COLGALT2: variants seen among roughly 807,000 people sequenced by gnomAD.
COLGALT2 encodes procollagen galactosyltransferase 2.
In COLGALT2, 49 loss-of-function variants were observed where a neutral mutation model predicts 73.4. The observed-to-expected ratio is 0.67, with a 90% CI of 0.53 to 0.85. The LOEUF is 0.85. Ranked by LOEUF, COLGALT2 falls within the 40% of genes least tolerant of loss-of-function variation. The pLI is 0.00. For synonymous variants in COLGALT2, 295 were observed against 307.6 expected (o/e 0.96, Z 0.43); for missense variants, 722 against 790.2 (o/e 0.91, Z 1.03).
intron 3 of COLGALT2, 112 bp downstream of exon 3, chr1:183,974,985 A>G: frequency 1.4e-6 from 1 of 714,272 alleles, no homozygotes; most frequent in East Asian, 2.6e-5. Context: ...TGGGGGAGGC[A>G]CTGCCTAATC....
chr1:183,930,569 C>CTTTTTTTTTTTTTTTT (rs397861890), intron 11 of COLGALT2, among the ~76,000 whole-genome samples: 13 of 114,064 alleles, frequency 1.1e-4, no homozygotes, highest in East Asian at 5.6e-4. Flanking sequence ...TTTTCTTTTT[C>CTTTTTTTTTTTTTTTT]TTTTTTTTTT....
intron 8 of COLGALT2, chr1:183,945,855 A>G (rs771221916): frequency 6.2e-5 from 23 of 373,696 alleles, no homozygotes; most frequent in Non-Finnish European, 9.2e-5. Flanking sequence ...TATGGAAATT[A>G]GTTAAAGTAC....
downstream of COLGALT2, among the ~76,000 whole-genome samples, chr1:183,931,190 AGGCACTGAAT>A (rs1440715798): frequency 6.6e-6 from 1 of 152,192 alleles, no homozygotes; most frequent in Non-Finnish European, 1.5e-5. Context: ...ACACTGGGCC[AGGCACTGAAT>A]GGAGGAGGCT....
In COLGALT2 at chr1:183,937,388, A is replaced by G. The variant is rs1031205953; in HGVS notation, c.*1373T>C. The stretch of plus-strand genomic sequence containing the variant: ...ATGACAGATTGTGGAGTGGGAAGAA[A>G]TCGTGTAGTCCAACTCTGCATTTTA... On this transcript the variant is annotated 3_prime_UTR_variant, in exon 12 of 12. Transcript: ENST00000361927. 1.0e-6 allele frequency: 1 copy of G among 996,508 alleles called. No individual in the cohort carries two copies. 61.7% of individuals were successfully genotyped at this position (996,508 alleles called of 1,614,324 possible). A position where few individuals can be genotyped will look rare whatever the true frequency, so the allele number is the denominator to read the frequency against.
Position 183,945,688 on chromosome 1 carries a change from C to T in COLGALT2, c.1137-124G>A, listed in dbSNP as rs150789909. On this transcript the variant is annotated intron_variant, in intron 8 of 11. Transcript: ENST00000361927. ...ACACAGACAAAGACAGAGAGGCTTCCCTTTATTCCTTAGAAGTTCCTCCAG... is the reference window on the plus strand; with the variant it reads ...ACACAGACAAAGACAGAGAGGCTTCTCTTTATTCCTTAGAAGTTCCTCCAG... 2.2e-4 allele frequency: 247 copies of T among 1,129,264 alleles called. No homozygotes were observed. In the East Asian group the frequency reaches 5.4e-3, roughly 25 times the overall value. The allele number at this position is 1,129,264 out of a possible 1,614,324, so 70.0% of individuals were successfully genotyped here.
chr1:184,009,819 C>A (rs1303906944), intron 1 of COLGALT2, among the ~76,000 whole-genome samples: 1 of 152,152 alleles, frequency 6.6e-6, no homozygotes, highest in Non-Finnish European at 1.5e-5. Context: ...TCTCTTCCTG[C>A]CTCTTGGTCA....
rs372086536 is a variant in COLGALT2, at chr1:183,960,355, T to C, written c.952+3546A>G. Among the ~76,000 whole-genome samples, 7 of 152,350 alleles carry C rather than the reference T, an allele frequency of 4.6e-5. No homozygotes were observed. In the East Asian group the frequency reaches 5.8e-4, roughly 13 times the overall value. On this transcript the variant is annotated intron_variant, in intron 6 of 11. Coordinates refer to ENST00000361927, the MANE Select transcript of COLGALT2 (RefSeq NM_015101.4). ...CATACCACTCTTCTTGTTTAAATTTTACACTTGTACCCAAGCTTAGCCTAA... is the reference window on the plus strand; with the variant it reads ...CATACCACTCTTCTTGTTTAAATTTCACACTTGTACCCAAGCTTAGCCTAA...
At chr1:183,979,391 A>G (rs1671289732) in intron 1 of COLGALT2, among the ~76,000 whole-genome samples, 2 of 151,920 alleles carry the variant, frequency 1.3e-5, no homozygotes, top group Admixed American at 1.3e-4. Flanking sequence ...GAGTATTAAG[A>G]TGACAAAGAA....
At chr1:183,939,952 A>G (rs1024153108) in intron 11 of COLGALT2, among the ~76,000 whole-genome samples, 1 of 152,202 alleles carries the variant, frequency 6.6e-6, no homozygotes, top group Non-Finnish European at 1.5e-5. Flanking sequence ...GGGGAGATTG[A>G]CAGGTAAATC....
At chr1:183,942,388 C>T (rs2102788988) in intron 10 of COLGALT2, among the ~76,000 whole-genome samples, 1 of 151,232 alleles carries the variant, frequency 6.6e-6, no homozygotes, top group South Asian at 2.1e-4. Flanking sequence ...ATATTAATTA[C>T]ATACCAAAAT....
At chr1:183,962,843 G>C (rs1482810113) in intron 6 of COLGALT2, among the ~76,000 whole-genome samples, 3 of 152,172 alleles carry the variant, frequency 2.0e-5, no homozygotes, top group Non-Finnish European at 4.4e-5. Context: ...ACATTTCTGT[G>C]CTAAAATCTT....
At position 184,009,286 on chromosome 1, in the gene COLGALT2, T is replaced by C. The variant is rs2378791; in HGVS notation, c.263+27809A>G. ...ATTAAGAACAACAAAATTTTCCTTC[T>C]GTTTCAACATCCTGAAATTGCATTT... On this transcript the variant is annotated intron_variant, in intron 1 of 11. Transcript: ENST00000361927. Among the ~76,000 whole-genome samples the C allele has an allele frequency of 5.5e-3, 843 of 152,354 alleles. 8 individuals carry two copies. Among genetic ancestry groups the C allele is most frequent in the African/African-American group, 0.018 (767 of 41,586 alleles).
intron 5 of COLGALT2, among the ~76,000 whole-genome samples, chr1:183,965,359 C>T (rs1670838663): frequency 1.3e-5 from 2 of 152,162 alleles, no homozygotes; most frequent in Admixed American, 1.3e-4. Flanking sequence ...CCAAATTATC[C>T]ATCAAGTGTG....
chr1:183,973,990 A>G (rs1184772434), intron 3 of COLGALT2, among the ~76,000 whole-genome samples: 2 of 152,190 alleles, frequency 1.3e-5, no homozygotes, highest in Admixed American at 6.5e-5. Context: ...TGGTGCTGCC[A>G]TACTGGGCAT....
intron 1 of COLGALT2, among the ~76,000 whole-genome samples, chr1:184,031,589 A>G (rs1649511319): frequency 6.6e-6 from 1 of 152,212 alleles, no homozygotes; most frequent in Non-Finnish European, 1.5e-5. Context: ...CACAATCTTA[A>G]GCAGACCATC....
chr1:184,028,062 C>T (rs1006899862), intron 1 of COLGALT2, among the ~76,000 whole-genome samples: 2 of 152,168 alleles, frequency 1.3e-5, no homozygotes, highest in Non-Finnish European at 2.9e-5. Context: ...CAACTTTCCA[C>T]TATCTTGGCG....
At chr1:184,002,891 T>A (rs1252487575) in intron 1 of COLGALT2, among the ~76,000 whole-genome samples, 1 of 152,082 alleles carries the variant, frequency 6.6e-6, no homozygotes, top group Non-Finnish European at 1.5e-5. Flanking sequence ...ATAAATATAC[T>A]GGAATAGCAT....
At chr1:183,957,837 T>C (rs1471647148) in intron 6 of COLGALT2, among the ~76,000 whole-genome samples, 1 of 149,142 alleles carries the variant, frequency 6.7e-6, no homozygotes, top group African/African-American at 2.5e-5. Context: ...AGATGTAGAC[T>C]TGTCCAAGGT....
intron 5 of COLGALT2, among the ~76,000 whole-genome samples, chr1:183,965,060 G>A (rs953569607): frequency 6.6e-6 from 1 of 152,196 alleles, no homozygotes; most frequent in Non-Finnish European, 1.5e-5. Context: ...AGAGGAAGGA[G>A]AAAAGAAAAT....
Sources: allele counts gnomAD v4.1 joint callset (sites outside exome capture counted in the v4.1 genomes callset), GRCh38; gene constraint gnomAD v4.1.1; transcripts MANE v1.5; gene names NCBI Gene and HGNC (gene_info 2026-07-23, HGNC 2026-07-21).